GRIN2A: variants seen among roughly 807,000 people sequenced by gnomAD.
GRIN2A encodes the protein glutamate ionotropic receptor NMDA type subunit 2A.
GRIN2A carries 22 observed loss-of-function variants against 113.4 expected under a neutral mutation model. That is an observed-to-expected ratio of 0.19 (90% CI 0.14 to 0.28). The LOEUF (loss-of-function observed/expected upper bound fraction) is 0.28. Among genes scored for constraint, GRIN2A ranks in the 10% least tolerant of loss-of-function variants. The pLI is 1.00. For missense variants in GRIN2A, 1,502 were observed against 1,887.0 expected (o/e 0.80, Z 3.78); for synonymous variants, 827 against 738.4 (o/e 1.12, Z -1.94).
At chr16:10,044,022 T>TAGAGAGAGAGAGAGAGAG (rs1555469980) in intron 2 of GRIN2A, among the ~76,000 whole-genome samples, 2 of 107,984 alleles carry the variant, frequency 1.9e-5, no homozygotes, top group Admixed American at 1.1e-4. Flanking sequence ...TATATATATA[T>TAGAGAGAGAGAGAGAGAG]AGAGAGAGAG....
At chr16:9,967,574 G>A (rs780684145) in intron 2 of GRIN2A, among the ~76,000 whole-genome samples, 21 of 152,128 alleles carry the variant, frequency 1.4e-4, no homozygotes, top group Admixed American at 3.9e-4. Flanking sequence ...GCGTGCTGGC[G>A]TGCGCCTGTA....
chr16:10,110,420 T>C (rs1206063865), intron 2 of GRIN2A, among the ~76,000 whole-genome samples: 1 of 152,226 alleles, frequency 6.6e-6, no homozygotes, highest in Non-Finnish European at 1.5e-5. Flanking sequence ...CTGGGGAATG[T>C]CGTGGAACTG....
At chr16:9,961,389 C>T (rs116417060) in intron 2 of GRIN2A, among the ~76,000 whole-genome samples, 1,899 of 152,220 alleles carry the variant, frequency 0.012, 32 homozygotes, top group African/African-American at 0.043. Context: ...CTTATCCTAA[C>T]GAATGAACCA....
At chr16:10,107,661 C>A (rs890409870) in intron 2 of GRIN2A, among the ~76,000 whole-genome samples, 4 of 152,190 alleles carry the variant, frequency 2.6e-5, no homozygotes, top group Non-Finnish European at 5.9e-5. Context: ...CCGTCCTCCC[C>A]CTGGGAATCC....
chr16:9,867,131 C>G (rs1209616480), intron 4 of GRIN2A, among the ~76,000 whole-genome samples: 1 of 152,134 alleles, frequency 6.6e-6, no homozygotes, highest in African/African-American at 2.4e-5. Context: ...GTCTTCCTAT[C>G]ACACCCACCT....
At chr16:10,096,399 G>A (rs936683033) in intron 2 of GRIN2A, among the ~76,000 whole-genome samples, 3 of 152,054 alleles carry the variant, frequency 2.0e-5, no homozygotes, top group South Asian at 2.1e-4. Context: ...CTGACACTTC[G>A]GTGGTGTACC....
In GRIN2A at chr16:9,984,894, C is replaced by G. The variant is rs1441222929; in HGVS notation, c.415-46343G>C. Among the ~76,000 whole-genome samples the G allele has an allele frequency of 2.6e-5, 4 of 152,176 alleles. No homozygotes were observed. The East Asian group carries it at 7.7e-4, about 29-fold the overall frequency. Reference sequence around the variant, plus strand: ...TTTTGAGGAGTGGGTTCAAAGATATCAAAAACTCTGCTGCTATCTTCCAGA... The same window carrying G: ...TTTTGAGGAGTGGGTTCAAAGATATGAAAAACTCTGCTGCTATCTTCCAGA... On this transcript the variant is annotated intron_variant, in intron 2 of 12. Transcript: ENST00000330684.
intron 2 of GRIN2A, among the ~76,000 whole-genome samples, chr16:10,095,476 A>G (rs2048270390): frequency 6.6e-6 from 1 of 152,212 alleles, no homozygotes; most frequent in Admixed American, 6.5e-5. Context: ...GTAAAAATAA[A>G]TGTTCTTCCT....
chr16:10,055,270 A>G (rs1306297331), intron 2 of GRIN2A, among the ~76,000 whole-genome samples: 1 of 151,858 alleles, frequency 6.6e-6, no homozygotes, highest in African/African-American at 2.4e-5. Flanking sequence ...AGGGAATGAA[A>G]TGAGGGTGGC....
At chr16:9,951,040 CCTT>C (rs1037544907) in intron 2 of GRIN2A, among the ~76,000 whole-genome samples, 2 of 152,178 alleles carry the variant, frequency 1.3e-5, no homozygotes, top group African/African-American at 4.8e-5. Context: ...GCACCTCCCT[CCTT>C]ATCGGTGCTT....
intron 2 of GRIN2A, among the ~76,000 whole-genome samples, chr16:9,942,731 A>C (rs1240409794): frequency 6.6e-6 from 1 of 152,194 alleles, no homozygotes; most frequent in Non-Finnish European, 1.5e-5. Flanking sequence ...TATAATGCAA[A>C]GAAGAAACTG....
chr16:10,118,304 TC>T (rs1489624754), intron 2 of GRIN2A, among the ~76,000 whole-genome samples: 1 of 152,158 alleles, frequency 6.6e-6, no homozygotes, highest in Non-Finnish European at 1.5e-5. Context: ...TCATTTAGAC[TC>T]CTGTCACTTA....
intron 2 of GRIN2A, among the ~76,000 whole-genome samples, chr16:9,969,499 A>G (rs1295323568): frequency 6.6e-6 from 1 of 152,142 alleles, no homozygotes; most frequent in African/African-American, 2.4e-5. Context: ...CCAAATCCAG[A>G]TCATTCCACT....
intron 2 of GRIN2A, among the ~76,000 whole-genome samples, chr16:10,152,487 T>C (rs7186062): frequency 0.26 from 39,320 of 152,118 alleles, 5,571 homozygotes; most frequent in East Asian, 0.51. Flanking sequence ...TGAAATTCTA[T>C]ACATCCACTG....
At chr16:10,145,301 C>T (rs1290575824) in intron 2 of GRIN2A, among the ~76,000 whole-genome samples, 4 of 152,096 alleles carry the variant, frequency 2.6e-5, no homozygotes, top group Non-Finnish European at 4.4e-5. Flanking sequence ...TTAAAATGTT[C>T]TTAAGAGAGA....
At chr16:9,785,398 A>G (rs1203820649) in intron 11 of GRIN2A, among the ~76,000 whole-genome samples, 1 of 134,602 alleles carries the variant, frequency 7.4e-6, no homozygotes, top group Non-Finnish European at 1.5e-5. Context: ...ATGAGATCAC[A>G]TGGACACAGG....
At chr16:9,866,078 G>A (rs1220588213) in intron 4 of GRIN2A, among the ~76,000 whole-genome samples, 1 of 152,090 alleles carries the variant, frequency 6.6e-6, no homozygotes, top group East Asian at 1.9e-4. Flanking sequence ...AACAGTTAGG[G>A]GTTTTGTCAA....
chr16:9,855,939 G>C (rs577288110), intron 4 of GRIN2A, among the ~76,000 whole-genome samples: 1 of 152,298 alleles, frequency 6.6e-6, no homozygotes, highest in South Asian at 2.1e-4. Flanking sequence ...CTCAAAGCTG[G>C]CTCTTCCTCA....
At chr16:9,831,509 C>A (rs1008331239) in intron 8 of GRIN2A, among the ~76,000 whole-genome samples, 3 of 132,532 alleles carry the variant, frequency 2.3e-5, no homozygotes, top group Non-Finnish European at 4.8e-5. Context: ...TTTTTTTTTT[C>A]TTTTCTTTTT....
Sources: allele counts gnomAD v4.1 joint callset (sites outside exome capture counted in the v4.1 genomes callset), GRCh38; gene constraint gnomAD v4.1.1; transcripts MANE v1.5; gene names NCBI Gene and HGNC (gene_info 2026-07-23, HGNC 2026-07-21).